Variants in ZMYM2 observed in about 807,000 individuals in gnomAD.
ZMYM2 encodes the protein zinc finger MYM-type containing 2.
ZMYM2 carries 56 observed loss-of-function variants against 162.8 expected under a neutral mutation model. The ratio of observed to expected loss-of-function variants is 0.34; its 90% CI spans 0.28 to 0.43. The LOEUF is 0.43. ZMYM2 is among the 20% of genes least tolerant of loss of function. The pLI is 1.00. For synonymous variants in ZMYM2, 510 were observed against 541.6 expected (o/e 0.94, Z 0.81); for missense variants, 1,275 against 1,621.8 (o/e 0.79, Z 3.67).
chr13:19,966,121 TTTTTG>T (rs1176462770), intron 2 of ZMYM2, among the ~76,000 whole-genome samples: 24 of 147,762 alleles, frequency 1.6e-4, no homozygotes, highest in African/African-American at 6.2e-4. Context: ...CTTGTTTTTT[TTTTTG>T]TTTTTGTTTT....
intron 2 of ZMYM2, among the ~76,000 whole-genome samples, chr13:19,990,065 A>G (rs1437619198): frequency 6.6e-6 from 1 of 152,242 alleles, no homozygotes; most frequent in South Asian, 2.1e-4. Flanking sequence ...ACAGTGATCT[A>G]TTTAAAACCT....
At chr13:19,956,622 AATACT>A (rs138310245), upstream of ZMYM2, among the ~76,000 whole-genome samples, 23 of 152,366 alleles carry the variant, frequency 1.5e-4, no homozygotes, top group East Asian at 4.4e-3. Context: ...GTAAATAATA[AATACT>A]ATAATTAGCA....
At chr13:19,900,129 C>T in the ZMYM2 span, among the ~76,000 whole-genome samples, 1,782 of 152,098 alleles carry the variant, frequency 0.012, 29 homozygotes, top group African/African-American at 0.041. Context: ...GGCGAAACCC[C>T]ATCTCTACTA....
At chr13:20,076,973 C>G (rs1957551436) in intron 21 of ZMYM2, among the ~76,000 whole-genome samples, 1 of 150,264 alleles carries the variant, frequency 6.7e-6, no homozygotes, top group African/African-American at 2.5e-5. Context: ...GTACCTGGGA[C>G]TACAGGCCAC....
At chr13:20,050,512 ATAAT>A (rs1955225172) in intron 12 of ZMYM2, among the ~76,000 whole-genome samples, 2 of 6,830 alleles carry the variant, frequency 2.9e-4, no homozygotes, top group Non-Finnish European at 2.0e-3. Flanking sequence ...ATTGAAAAAA[ATAAT>A]AATAGTTCAT....
At chr13:20,004,597 A>G (rs1176314637) in intron 4 of ZMYM2, among the ~76,000 whole-genome samples, 2 of 152,212 alleles carry the variant, frequency 1.3e-5, no homozygotes, top group Non-Finnish European at 2.9e-5. Flanking sequence ...TTGGAGAGCC[A>G]TGTTAATAGT....
chr13:20,006,273 A>T, intron 5 of ZMYM2, 101 bp from the exon 6 acceptor site: 1 of 1,244,876 alleles, frequency 8.0e-7, no homozygotes, highest in Non-Finnish European at 1.1e-6. Flanking sequence ...TTCTCCAAAC[A>T]AGCCTTATTA....
intron 12 of ZMYM2, among the ~76,000 whole-genome samples, 158 bp downstream of exon 12, chr13:20,037,067 G>T (rs572057265): frequency 1.4e-4 from 21 of 152,002 alleles, no homozygotes; most frequent in African/African-American, 4.8e-4. Context: ...TGTCATTTCT[G>T]CTTGTTTGAA....
chr13:19,975,826 CTT>C, intron 2 of ZMYM2, among the ~76,000 whole-genome samples: 1 of 151,916 alleles, frequency 6.6e-6, no homozygotes. Context: ...TTTATCAGCA[CTT>C]TTCTTTTTTT....
chr13:19,993,393 A>C lies in ZMYM2; in HGVS notation c.321A>C (p.Ala107=), dbSNP rs760817972. 6.2e-7 allele frequency: 1 copy of C among 1,613,790 alleles called. No homozygotes were observed. The highest frequency in any genetic ancestry group is 1.7e-5 in the Admixed American group (1 of 59,970). Residue 107 remains alanine (A), a synonymous_variant, in exon 3 of 25, where the codon GCA becomes GCC. Coordinates refer to ENST00000610343, the MANE Select transcript of ZMYM2 (RefSeq NM_197968.4). ...SKITPSSKEL[A]SQKGSVSETI... is the part of the protein sequence containing the mutation. ...TTACTCCTTCCTCAAAAGAGTTGGC[A>C]TCTCAGAAGGGAAGTGTAAGTGAGA...
chr13:19,985,512 GTTATT>G (rs1949059845), intron 2 of ZMYM2, among the ~76,000 whole-genome samples: 1 of 142,528 alleles, frequency 7.0e-6, no homozygotes, highest in Admixed American at 7.8e-5. Context: ...TATTGATTTG[GTTATT>G]TTATTGAATG....
At chr13:19,877,040 G>C in the ZMYM2 span, among the ~76,000 whole-genome samples, 1 of 151,946 alleles carries the variant, frequency 6.6e-6, no homozygotes, top group East Asian at 1.9e-4. Flanking sequence ...GTGAAACCCC[G>C]TCTCTACTAA....
Position 19,995,316 on chromosome 13 carries a change from C to T in ZMYM2, c.847+1397C>T, listed in dbSNP as rs868413678. Among the ~76,000 whole-genome samples, 6 of 152,114 alleles carry T rather than the reference C, an allele frequency of 3.9e-5. No individual in the cohort carries two copies. The South Asian group carries it at 1.0e-3, about 26-fold the overall frequency. On this transcript the variant is annotated intron_variant, in intron 3 of 24. Coordinates refer to ENST00000610343, the MANE Select transcript of ZMYM2 (RefSeq NM_197968.4). Reference sequence around the variant, plus strand: ...TCGATAATGCCGTGTTTATTTTTGACCACGTATCTTTAGCTTTTAGTTAGC... The same window carrying T: ...TCGATAATGCCGTGTTTATTTTTGATCACGTATCTTTAGCTTTTAGTTAGC...
intron 5 of ZMYM2, among the ~76,000 whole-genome samples, chr13:20,005,945 T>C (rs1450369268): frequency 6.6e-6 from 1 of 152,074 alleles, no homozygotes; most frequent in East Asian, 1.9e-4. Flanking sequence ...ATTATGAAAA[T>C]GGGGCCAGGC....
chr13:19,919,828 C>T, the ZMYM2 span, among the ~76,000 whole-genome samples: 1 of 152,070 alleles, frequency 6.6e-6, no homozygotes, highest in Non-Finnish European at 1.5e-5. Flanking sequence ...CAGGCATGCA[C>T]CACACCTGGC....
chr13:20,026,856 C>A, intron 8 of ZMYM2, 94 bp downstream of exon 8: 1 of 1,310,152 alleles, frequency 7.6e-7, no homozygotes, highest in Non-Finnish European at 1.0e-6. Flanking sequence ...TTGTTTTTAA[C>A]AGCTTTTTAT....
At chr13:20,050,141 TTGTG>T (rs1273493354) in intron 12 of ZMYM2, among the ~76,000 whole-genome samples, 2 of 151,880 alleles carry the variant, frequency 1.3e-5, no homozygotes, top group African/African-American at 4.8e-5. Flanking sequence ...TGGACAAGAG[TTGTG>T]ATATTGCATC....
At chr13:20,044,100 C>T (rs913775406) in intron 12 of ZMYM2, among the ~76,000 whole-genome samples, 1 of 152,090 alleles carries the variant, frequency 6.6e-6, no homozygotes, top group African/African-American at 2.4e-5. Context: ...CTGACAGTTG[C>T]CCTAGGGTTA....
At chr13:19,880,958 T>C in the ZMYM2 span, among the ~76,000 whole-genome samples, 17,435 of 151,396 alleles carry the variant, frequency 0.12, 1,282 homozygotes, top group African/African-American at 0.21. Flanking sequence ...GCATGATCTC[T>C]GCTCACTGCA....
Sources: gnomAD v4.1 joint callset for allele counts (sites outside exome capture counted in the v4.1 genomes callset) on GRCh38, gnomAD v4.1.1 for gene constraint, MANE v1.5 for transcripts, NCBI Gene and HGNC (gene_info 2026-07-23, HGNC 2026-07-21) for gene names.